CAPS2: variants seen among roughly 807,000 people sequenced by gnomAD.
CAPS2 encodes calcyphosin-2.
In CAPS2, 98 loss-of-function variants were observed where a neutral mutation model predicts 86.5. The ratio of observed to expected loss-of-function variants is 1.13; its 90% CI spans 0.96 to 1.34. The LOEUF (loss-of-function observed/expected upper bound fraction) is 1.34, where lower values mean the gene tolerates loss of function less well. CAPS2 is among the 40% of genes most tolerant of loss of function. The pLI is 0.00. For missense variants in CAPS2, 729 were observed against 686.8 expected, an observed-to-expected ratio of 1.06 and a Z score of -0.69; for synonymous variants, 210 against 225.1, an observed-to-expected ratio of 0.93 and a Z score of 0.60.
chr12:75,323,254 T>C (rs1437346925), intron 2 of CAPS2, 32 bp from the exon 4 acceptor site: 1 of 1,517,508 alleles, frequency 6.6e-7, no homozygotes, highest in Admixed American at 2.1e-5. Flanking sequence ...TCCCGTAACT[T>C]TTTAACATGA....
chr12:75,375,855 C>T (rs1245033397), intron 1 of CAPS2, among the ~76,000 whole-genome samples: 1 of 152,200 alleles, frequency 6.6e-6, no homozygotes, highest in African/African-American at 2.4e-5. Flanking sequence ...CCTGCCACCT[C>T]GGGATCCAAT....
chr12:75,285,090 ATCAGAGATAACTGT>A lies in CAPS2; in HGVS notation c.1396-24_1396-11del. 6.2e-7 allele frequency: 1 copy of A among 1,601,874 alleles called. No individual in the cohort carries two copies. The highest frequency in any genetic ancestry group is 8.5e-7 in the Non-Finnish European group (1 of 1,175,920). ...ATGCAGACTCAAAATCCTAGAAACA[ATCAGAGATAACTGT>A]TGCATTTTTAAGTTACATATCGTCA... On this transcript the variant is annotated splice_polypyrimidine_tract_variant and intron_variant, in intron 14 of 16. Coordinates refer to ENST00000393284, the Ensembl canonical transcript of CAPS2.
chr12:75,360,180 A>G (rs946999546), intron 1 of CAPS2: 1 of 152,146 alleles, frequency 6.6e-6, no homozygotes, highest in African/African-American at 2.4e-5. Context: ...AATTCGAGAT[A>G]AGGTTTGGGT....
intron 1 of CAPS2, among the ~76,000 whole-genome samples, chr12:75,383,207 G>A (rs976822518): frequency 1.3e-5 from 2 of 152,092 alleles, no homozygotes; most frequent in Admixed American, 6.6e-5. Context: ...TATATAATGG[G>A]AGCTGATTCA....
chr12:75,319,150 GA>G (rs1283193359), intron 5 of CAPS2, among the ~76,000 whole-genome samples: 3 of 152,088 alleles, frequency 2.0e-5, no homozygotes, highest in Admixed American at 2.0e-4. Flanking sequence ...CTGACAACAA[GA>G]GATTTATCAC....
chr12:75,285,943 A>G (rs751522136), intron 14 of CAPS2, among the ~76,000 whole-genome samples: 4 of 151,956 alleles, frequency 2.6e-5, no homozygotes, highest in Non-Finnish European at 5.9e-5. Flanking sequence ...TAAATCCCTT[A>G]TGCCAGTTTA....
At chr12:75,279,115 A>G in intron 16 of CAPS2, 50 bp from the exon 17 acceptor site, 1 of 1,348,474 alleles carries the variant, frequency 7.4e-7, no homozygotes, top group Non-Finnish European at 9.8e-7. Context: ...GTTCAGTGAA[A>G]TGACTGATGA....
At chr12:75,373,381 G>A (rs916953500) in intron 1 of CAPS2, 1 of 152,108 alleles carries the variant, frequency 6.6e-6, no homozygotes, top group Non-Finnish European at 1.5e-5. Context: ...TTCAGTTTTT[G>A]ACCAATCATA....
In CAPS2 at chr12:75,304,881, A is replaced by G. The variant is rs757878927; in HGVS notation, c.660-5T>C. Reference sequence around the variant, plus strand: ...TCTGGATCACTGATGACAGCCCTATACAGGAAAATAAAAAGTCCAACAATT... The same window carrying G: ...TCTGGATCACTGATGACAGCCCTATGCAGGAAAATAAAAAGTCCAACAATT... On this transcript the variant is annotated splice_region_variant and splice_polypyrimidine_tract_variant and intron_variant, in intron 7 of 16. Transcript: ENST00000393284. 6.2e-7 allele frequency: 1 copy of G among 1,603,632 alleles called. No individual in the cohort carries two copies. Among genetic ancestry groups the G allele is most frequent in the Non-Finnish European group, 8.5e-7 (1 of 1,177,706 alleles).
chr12:75,368,656 C>G (rs1260473601), intron 1 of CAPS2, among the ~76,000 whole-genome samples: 2 of 151,946 alleles, frequency 1.3e-5, no homozygotes, highest in Non-Finnish European at 2.9e-5. Flanking sequence ...TAATTTTCCT[C>G]CTGCATTTTT....
chr12:75,346,244 G>T (rs145635914), intron 1 of CAPS2, among the ~76,000 whole-genome samples: 223 of 152,232 alleles, frequency 1.5e-3, no homozygotes, highest in African/African-American at 5.0e-3. Context: ...ATATATTTTA[G>T]TTGTATTTTT....
chr12:75,287,929 G>A (rs1400209733), intron 14 of CAPS2, among the ~76,000 whole-genome samples: 1 of 152,126 alleles, frequency 6.6e-6, no homozygotes, highest in Non-Finnish European at 1.5e-5. Context: ...CTCACCCTGT[G>A]GGATCTGAGG....
Position 75,291,838 on chromosome 12 carries a change from A to G in CAPS2, c.1164-18T>C. 7.5e-7 allele frequency: 1 copy of G among 1,328,602 alleles called. No homozygotes were observed. The highest frequency in any genetic ancestry group is 1.1e-6 in the Non-Finnish European group (1 of 943,902). 82.3% of individuals were successfully genotyped at this position (1,328,602 alleles called of 1,614,324 possible). ...AAGCAGTTCTGCAATTGACATGTTC[A>G]CAGGGATGAAATATATATATATTCT... On this transcript the variant is annotated intron_variant, in intron 12 of 16. Coordinates refer to ENST00000393284, the Ensembl canonical transcript of CAPS2.
intron 6 of CAPS2, among the ~76,000 whole-genome samples, chr12:75,314,109 G>A (rs572858955): frequency 4.6e-5 from 7 of 152,052 alleles, no homozygotes; most frequent in Admixed American, 2.0e-4. Context: ...TAGTAGAGAC[G>A]GGGTTTTACC....
At position 75,387,929 on chromosome 12, in the gene CAPS2, T is replaced by C. The variant is rs1298786144; in HGVS notation, c.-395+2909A>G. On this transcript the variant is annotated intron_variant, in intron 1 of 5. Transcript: ENST00000551829. Reference sequence around the variant, plus strand: ...CCAGCAATCATGCTCATGGTATTTATCCAAAGGAGTTGAAAACTTATGTCT... The same window carrying C: ...CCAGCAATCATGCTCATGGTATTTACCCAAAGGAGTTGAAAACTTATGTCT... Among the ~76,000 whole-genome samples the C allele has an allele frequency of 2.6e-5, 4 of 152,242 alleles. 1 individual carries two copies. The South Asian group carries it at 8.3e-4, about 31-fold the overall frequency.
downstream of CAPS2, chr12:75,276,117 T>C (rs902833140): frequency 1.5e-6 from 2 of 1,336,352 alleles, no homozygotes; most frequent in Non-Finnish European, 2.0e-6. Flanking sequence ...AATACATCCA[T>C]GTCCACCCTG....
At position 75,312,918 on chromosome 12, in the gene CAPS2, G is replaced by C; in HGVS notation, c.592-3C>G. The C allele has an allele frequency of 6.3e-7, 1 of 1,595,290 alleles. No individual in the cohort carries two copies. On this transcript the variant is annotated splice_polypyrimidine_tract_variant and splice_region_variant and intron_variant, in intron 6 of 16. Coordinates refer to ENST00000393284, the Ensembl canonical transcript of CAPS2. ...TTCTTCTCTGCAGCCACAATTTCCT[G>C]GGAAGATTAAATAAAGACAACTTCA...
chr12:75,358,759 TTA>T (rs1201466133), intron 1 of CAPS2, among the ~76,000 whole-genome samples: 1 of 144,576 alleles, frequency 6.9e-6, no homozygotes, highest in Non-Finnish European at 1.5e-5. Context: ...ATATAATATA[TTA>T]TATATGTTTA....
chr12:75,373,793 G>C (rs911813645), intron 1 of CAPS2: 1 of 152,608 alleles, frequency 6.6e-6, no homozygotes, highest in African/African-American at 2.4e-5. Context: ...TGGCAGGAGT[G>C]GGGGCCATGG....
Sources: gnomAD v4.1 joint callset for allele counts (sites outside exome capture counted in the v4.1 genomes callset) on GRCh38, gnomAD v4.1.1 for gene constraint, MANE v1.5 for transcripts, NCBI Gene and HGNC (gene_info 2026-07-23, HGNC 2026-07-21) for gene names.